The following PBXIP1 variants were observed in gnomAD, a reference collection of about 807,000 sequenced individuals.
PBXIP1 encodes the protein pre-B-cell leukemia transcription factor-interacting protein 1.
A neutral mutation model predicts 73.7 loss-of-function variants in PBXIP1; 73 were observed. That is an observed-to-expected ratio of 0.99 (90% CI 0.82 to 1.20). The LOEUF (loss-of-function observed/expected upper bound fraction) is 1.20, where lower values mean the gene tolerates loss of function less well. Among genes scored for constraint, PBXIP1 ranks in the 50% most tolerant of loss-of-function variants. The pLI, the probability that PBXIP1 is intolerant of heterozygous loss-of-function variation, is 0.00. For synonymous variants in PBXIP1, 330 were observed against 366.9 expected (o/e 0.90, Z 1.15); for missense variants, 818 against 911.4 (o/e 0.90, Z 1.32).
At position 154,951,540 on chromosome 1, in the gene PBXIP1, G is replaced by C; in HGVS notation, c.179-5C>G. On this transcript the variant is annotated splice_polypyrimidine_tract_variant and splice_region_variant and intron_variant, in intron 3 of 10. Transcript: ENST00000368463. This position sits in a 1 kb window ranked among gnomAD's most constrained non-coding sequence, Gnocchi z 4.3. ...TTTCAGTCTGGAAGAGCGTCCCTGCGGTAGGAGAAAAGGCGCAGAAAAACC... is the reference window on the plus strand; with the variant it reads ...TTTCAGTCTGGAAGAGCGTCCCTGCCGTAGGAGAAAAGGCGCAGAAAAACC... 1 of 1,613,440 alleles carries C rather than the reference G, an allele frequency of 6.2e-7. No homozygotes were observed. Among genetic ancestry groups the C allele is most frequent in the Non-Finnish European group, 8.5e-7 (1 of 1,179,412 alleles).
intron 2 of PBXIP1, among the ~76,000 whole-genome samples, chr1:154,952,191 C>A (rs541094353): frequency 2.0e-5 from 3 of 152,098 alleles, no homozygotes; most frequent in South Asian, 4.1e-4. Flanking sequence ...CCTACGTTTC[C>A]CTCCCATCAA....
At chr1:154,946,912 C>T (rs961439575) in intron 9 of PBXIP1, 109 bp from the exon 10 acceptor site, 2 of 1,063,222 alleles carry the variant, frequency 1.9e-6, no homozygotes, top group Non-Finnish European at 2.7e-6. Context: ...GGCCTGAGCC[C>T]GTTTTACAGC....
chr1:154,949,350 G>A (rs1048041101), intron 5 of PBXIP1, among the ~76,000 whole-genome samples: 12 of 151,788 alleles, frequency 7.9e-5, no homozygotes, highest in Admixed American at 2.0e-4. Flanking sequence ...GTGTGTGTGT[G>A]TATTTTTTTG....
chr1:154,950,681 T>C (rs1654978453), intron 5 of PBXIP1, among the ~76,000 whole-genome samples: 1 of 152,204 alleles, frequency 6.6e-6, no homozygotes, highest in Admixed American at 6.5e-5. Context: ...TAAAACATTC[T>C]CTTTTCCCTG....
intron 2 of PBXIP1, among the ~76,000 whole-genome samples, chr1:154,952,782 C>T (rs1394105074): frequency 6.6e-6 from 1 of 152,130 alleles, no homozygotes; most frequent in African/African-American, 2.4e-5. Context: ...GCTCTGAGAG[C>T]CTGGTGCCCG....
rs770588598 is a variant in PBXIP1, at chr1:154,951,329, G to A, written c.312C>T (p.Asp104=). The part of the protein sequence containing the change: ...PGPGDTVVQG[D]LQETTVVTGL... ...CTGTCACCACGGTGGTCTCCTGCAG[G>A]TCTCCCTGGACTACTGTGTCTCCTG... Residue 104 remains aspartate, a synonymous_variant, in exon 5 of 11, where the codon GAC becomes GAT. Coordinates refer to ENST00000368463, the MANE Select transcript of PBXIP1 (RefSeq NM_020524.4). This position sits in a 1 kb window ranked among gnomAD's most constrained non-coding sequence, Gnocchi z 4.3. The A allele has an allele frequency of 3.7e-6, 6 of 1,614,006 alleles. No individual in the cohort carries two copies. In the South Asian group the frequency reaches 5.5e-5, roughly 15 times the overall value.
rs879747568 is a variant in PBXIP1, at chr1:154,953,834, T to A, written c.-36-77A>T. 4.3e-6 allele frequency: 4 copies of A among 936,584 alleles called. No homozygotes were observed. The Middle Eastern group carries it at 9.1e-4, about 213-fold the overall frequency. The allele number at this position is 936,584 out of a possible 1,614,324, so 58.0% of individuals were successfully genotyped here. A position where few individuals can be genotyped will look rare whatever the true frequency, so the allele number is the denominator to read the frequency against. Reference sequence around the variant, plus strand: ...ATGCAGAAAGCAGCCTTGGCTGGGTTCCAAGGTTCAAGTGCTGGGCAGCAG... The same window carrying A: ...ATGCAGAAAGCAGCCTTGGCTGGGTACCAAGGTTCAAGTGCTGGGCAGCAG... On this transcript the variant is annotated intron_variant, in intron 1 of 10. Transcript: ENST00000368463.
chr1:154,948,169 G>A lies in PBXIP1; in HGVS notation c.607C>T (p.Leu203=). The part of the protein sequence containing the change: ...ISLNMCLLGA[L]VLLGLGVLLF... ...AGGACCCCCAGGCCAAGCAGAACCA[G>A]GGCCCCAAGGAGGCACATGTTGAGG... Residue 203 remains leucine (L), a synonymous_variant, in exon 6 of 11, where the codon CTG becomes TTG. Transcript: ENST00000368463. The A allele has an allele frequency of 6.3e-7, 1 of 1,597,350 alleles. No homozygotes were observed. Among genetic ancestry groups the A allele is most frequent in the South Asian group, 1.1e-5 (1 of 89,236 alleles).
rs528707915 is a variant in PBXIP1 at position 154,948,313 on chromosome 1, C to T, written c.463G>A (p.Asp155Asn). The T allele has an allele frequency of 6.2e-7, 1 of 1,610,560 alleles. No individual in the cohort carries two copies. The highest frequency in any genetic ancestry group is 1.3e-5 in the African/African-American group (1 of 75,002). ...CGCCGTCTCCGCAGACCCTCCATGT[C>T]CACGTCGGTGTCATCGTCACTGCTG... ...CSSSDDDTDV[D>N]MEGLRRRRGR... Residue 155 changes from aspartate to asparagine, a missense_variant, in exon 6 of 11, where the codon GAC becomes AAC. Transcript: ENST00000368463.
chr1:154,944,267 T>C lies in PBXIP1; in HGVS notation c.*757A>G, dbSNP rs1456221749. On this transcript the variant is annotated 3_prime_UTR_variant, in exon 11 of 11. Transcript: ENST00000368463. ...CTCCCAGGGGTGGGGCCAAGGCAGCTGTGAGCAAAAGGAGAAGTATCAGCT... is the reference window on the plus strand; with the variant it reads ...CTCCCAGGGGTGGGGCCAAGGCAGCCGTGAGCAAAAGGAGAAGTATCAGCT... The C allele has an allele frequency of 6.6e-6, 1 of 152,154 alleles. No individual in the cohort carries two copies. Among genetic ancestry groups the C allele is most frequent in the Admixed American group, 6.5e-5 (1 of 15,274 alleles). The allele number at this position is 152,154 out of a possible 1,614,324, so 9.4% of individuals were successfully genotyped here.
intron 5 of PBXIP1, among the ~76,000 whole-genome samples, chr1:154,949,568 A>G (rs1480249892): frequency 2.0e-5 from 3 of 152,158 alleles, no homozygotes; most frequent in Non-Finnish European, 4.4e-5. Context: ...ACCTAAGGAT[A>G]GCCAATGTGT....
At position 154,944,928 on chromosome 1, in the gene PBXIP1, C is replaced by T. The variant is rs1306553467; in HGVS notation, c.*96G>A. ...ACTGTGTGAAAGATATCTGAGGACA[C>T]CAAACAAGCCAGGACAGAGTCCACC... On this transcript the variant is annotated 3_prime_UTR_variant, in exon 11 of 11. Coordinates refer to ENST00000368463, the MANE Select transcript of PBXIP1 (RefSeq NM_020524.4). The T allele has an allele frequency of 4.0e-6, 4 of 988,348 alleles. No individual in the cohort carries two copies. In the South Asian group the frequency reaches 5.5e-5, roughly 14 times the overall value. The allele number at this position is 988,348 out of a possible 1,614,324, so 61.2% of individuals were successfully genotyped here. A position where few individuals can be genotyped will look rare whatever the true frequency, so the allele number is the denominator to read the frequency against.
chr1:154,948,035 G>A, intron 6 of PBXIP1, 30 bp from the exon 7 acceptor site: 1 of 1,608,292 alleles, frequency 6.2e-7, no homozygotes, highest in Non-Finnish European at 8.5e-7. Context: ...AGTCTGATGA[G>A]GCCCTCGGGG....
Position 154,945,605 on chromosome 1 carries a change from C to T in PBXIP1, c.2069G>A (p.Ser690Asn), listed in dbSNP as rs773971263. The change falls in exon 10 of 11, where the codon AGC (serine) becomes AAC (asparagine). Residue 690 changes from serine to asparagine, a missense_variant. Transcript: ENST00000368463. ...CAGTGCTTTGTCTCCAAAGAAGTGGCTGAAGATGAAGTCCTCAAAGTCATC... is the reference window on the plus strand; with the variant it reads ...CAGTGCTTTGTCTCCAAAGAAGTGGTTGAAGATGAAGTCCTCAAAGTCATC... ...EVDDFEDFIF[S>N]HFFGDKALKK... The T allele has an allele frequency of 7.4e-6, 12 of 1,613,894 alleles. No individual in the cohort carries two copies. The South Asian group carries it at 1.2e-4, about 16-fold the overall frequency.
In PBXIP1 at chr1:154,951,529, AGC is replaced by A. The variant is rs2101987902; in HGVS notation, c.183_184del (p.Phe63ProfsTer3). The A allele has an allele frequency of 6.2e-7, 1 of 1,613,854 alleles. No homozygotes were observed. Among genetic ancestry groups the A allele is most frequent in the East Asian group, 2.2e-5 (1 of 44,876 alleles). ...AGACTGAGGGCTTTCAGTCTGGAAG[AGC>A]GTCCCTGCGGTAGGAGAAAAGGCGC... On this transcript the variant is annotated frameshift_variant, in exon 4 of 11. Coordinates refer to ENST00000368463, the MANE Select transcript of PBXIP1 (RefSeq NM_020524.4). LOFTEE classifies it high-confidence loss of function. The surrounding 1 kb of genome is among the most constrained non-coding windows in gnomAD (Gnocchi z 4.3).
At position 154,947,715 on chromosome 1, in the gene PBXIP1, G is replaced by A. The variant is rs1350155944; in HGVS notation, c.668-3C>T. 5 of 1,612,972 alleles carry A rather than the reference G, an allele frequency of 3.1e-6. No homozygotes were observed. The highest frequency in any genetic ancestry group is 3.4e-6 in the Non-Finnish European group (4 of 1,179,778). On this transcript the variant is annotated splice_region_variant and splice_polypyrimidine_tract_variant and intron_variant, in intron 7 of 10. Transcript: ENST00000368463. Reference sequence around the variant, plus strand: ...CCGCTCCACTTCCTCCATGGGCCCTGTGGGAAAGGGAAACCCTGAAACTGG... The same window carrying A: ...CCGCTCCACTTCCTCCATGGGCCCTATGGGAAAGGGAAACCCTGAAACTGG...
chr1:154,947,930 A>G lies in PBXIP1; in HGVS notation c.667+52T>C. On this transcript the variant is annotated intron_variant, in intron 7 of 10. Transcript: ENST00000368463. ...AGCACCCCTACTCCTGACCCACAGAACCAGAGAACACATACAACTCCCCAG... is the reference window on the plus strand; with the variant it reads ...AGCACCCCTACTCCTGACCCACAGAGCCAGAGAACACATACAACTCCCCAG... 2 of 1,591,628 alleles carry G rather than the reference A, an allele frequency of 1.3e-6. 1 individual carries two copies. Among genetic ancestry groups the G allele is most frequent in the South Asian group, 2.2e-5 (2 of 90,620 alleles).
Position 154,951,312 on chromosome 1 carries a change from A to G in PBXIP1, c.329T>C (p.Val110Ala). The G allele has an allele frequency of 6.2e-7, 1 of 1,614,124 alleles. No individual in the cohort carries two copies. Among genetic ancestry groups the G allele is most frequent in the East Asian group, 2.2e-5 (1 of 44,872 alleles). The stretch of plus-strand genomic sequence containing the variant: ...TGTGTCTGGTCCCAGGCCTGTCACC[A>G]CGGTGGTCTCCTGCAGGTCTCCCTG... ...VVQGDLQETT[V>A]VTGLGPDTQD... The change falls in exon 5 of 11, where the codon GTG becomes GCG. Residue 110 changes from valine (V) to alanine (A), a missense_variant. By Grantham distance (64) the Val-to-Ala change is moderately conservative (BLOSUM62 0). Transcript: ENST00000368463. This position sits in a 1 kb window ranked among gnomAD's most constrained non-coding sequence, Gnocchi z 4.3.
intron 9 of PBXIP1, 79 bp downstream of exon 9, chr1:154,947,338 T>A: frequency 6.5e-7 from 1 of 1,527,942 alleles, no homozygotes; most frequent in Non-Finnish European, 9.1e-7. Flanking sequence ...TAGGAAACAT[T>A]CCTTTTGGGG....
Sources: gnomAD v4.1 joint callset for allele counts (sites outside exome capture counted in the v4.1 genomes callset) on GRCh38, gnomAD v4.1.1 for gene constraint, Gnocchi (gnomAD v3.1) non-coding constraint, MANE v1.5 for transcripts, NCBI Gene and HGNC (gene_info 2026-07-23, HGNC 2026-07-21) for gene names.